The following BMP5 variants were observed in gnomAD, a reference collection of about 807,000 sequenced individuals.
BMP5 encodes bone morphogenetic protein 5.
Under a neutral mutation model 46.6 loss-of-function variants are expected in BMP5, and 23 were observed. The observed-to-expected ratio is 0.49, with a 90% CI of 0.35 to 0.70. BMP5 has a LOEUF of 0.70. Ranked by LOEUF, BMP5 falls within the 30% of genes least tolerant of loss-of-function variation. BMP5 has a pLI of 0.00. For missense variants in BMP5, 545 were observed against 565.6 expected (o/e 0.96, Z 0.37); for synonymous variants, 204 against 191.9 (o/e 1.06, Z -0.52).
At chr6:55,757,003 C>T (rs980634564) in intron 6 of BMP5, among the ~76,000 whole-genome samples, 3 of 151,902 alleles carry the variant, frequency 2.0e-5, no homozygotes, top group South Asian at 2.1e-4. Flanking sequence ...AAAAATCAAA[C>T]TTCACGTGTA....
chr6:55,833,540 T>C (rs570580832), intron 1 of BMP5, among the ~76,000 whole-genome samples: 12 of 152,326 alleles, frequency 7.9e-5, no homozygotes, highest in Middle Eastern at 3.4e-3. Flanking sequence ...TAGGAAGCCA[T>C]GTAAATAATC....
At chr6:55,824,544 G>A (rs959405461) in intron 1 of BMP5, among the ~76,000 whole-genome samples, 7 of 151,866 alleles carry the variant, frequency 4.6e-5, no homozygotes, top group Non-Finnish European at 8.8e-5. Context: ...AAACAAAAAG[G>A]CAGAAGGTTT....
chr6:55,810,678 G>A (rs1349953093), intron 2 of BMP5, among the ~76,000 whole-genome samples: 1 of 152,140 alleles, frequency 6.6e-6, no homozygotes, highest in Non-Finnish European at 1.5e-5. Context: ...AAAATTCACT[G>A]ACATATTAGC....
At chr6:55,869,654 T>C (rs553558397) in intron 1 of BMP5, among the ~76,000 whole-genome samples, 2 of 152,168 alleles carry the variant, frequency 1.3e-5, no homozygotes, top group Non-Finnish European at 1.5e-5. Flanking sequence ...AATGTTATTT[T>C]ATAAAATAAA....
chr6:55,784,488 TAAG>T (rs1440130447), intron 3 of BMP5, among the ~76,000 whole-genome samples: 1 of 151,712 alleles, frequency 6.6e-6, no homozygotes. Context: ...AAGACTAAAT[TAAG>T]AAGAGGGGGT....
Position 55,874,696 on chromosome 6 carries a change from G to C in BMP5, c.170C>G (p.Ser57Cys). Reference sequence around the variant, plus strand: ...GGGTCTGTGAGGCAAACCCAAGATAGAGAGAATTTCCCTTTGTATTTCCCG... The same window carrying C: ...GGGTCTGTGAGGCAAACCCAAGATACAGAGAATTTCCCTTTGTATTTCCCG... ...ERREIQREIL[S>C]ILGLPHRPRP... Residue 57 changes from serine (S) to cysteine (C), a missense_variant, in exon 1 of 7, where the codon TCT becomes TGT. Transcript: ENST00000370830. 1 of 1,613,620 alleles carries C rather than the reference G, an allele frequency of 6.2e-7. No homozygotes were observed. Among genetic ancestry groups the C allele is most frequent in the Non-Finnish European group, 8.5e-7 (1 of 1,179,700 alleles).
chr6:55,777,037 T>G (rs1019183608), intron 3 of BMP5, among the ~76,000 whole-genome samples: 1 of 151,942 alleles, frequency 6.6e-6, no homozygotes, highest in African/African-American at 2.4e-5. Flanking sequence ...TATTATTAAG[T>G]TTCCTCTTGG....
intron 1 of BMP5, among the ~76,000 whole-genome samples, chr6:55,830,707 T>A (rs1464848125): frequency 6.6e-6 from 1 of 152,100 alleles, no homozygotes; most frequent in East Asian, 1.9e-4. Flanking sequence ...TCTAACTAAC[T>A]CATATATACT....
intron 2 of BMP5, among the ~76,000 whole-genome samples, chr6:55,797,385 T>A (rs1562042631): frequency 6.6e-6 from 1 of 152,058 alleles, no homozygotes; most frequent in Non-Finnish European, 1.5e-5. Flanking sequence ...CAATATCCAA[T>A]AAAAGAACAT....
intron 2 of BMP5, among the ~76,000 whole-genome samples, chr6:55,799,171 G>A (rs940342680): frequency 9.9e-5 from 15 of 152,120 alleles, no homozygotes; most frequent in African/African-American, 3.4e-4. Context: ...GCCTTAAAAT[G>A]TTTGATCAAG....
At chr6:55,854,989 T>G (rs988084355) in intron 1 of BMP5, among the ~76,000 whole-genome samples, 10 of 152,264 alleles carry the variant, frequency 6.6e-5, no homozygotes, top group African/African-American at 2.4e-4. Flanking sequence ...GACCAATTTA[T>G]GTAGCATTTG....
chr6:55,867,190 T>G (rs1006401077), intron 1 of BMP5, among the ~76,000 whole-genome samples: 2 of 152,112 alleles, frequency 1.3e-5, no homozygotes, highest in African/African-American at 4.8e-5. Flanking sequence ...GTCTGGGTAT[T>G]TATCCCTTGG....
rs368735753 is a variant in BMP5 at position 55,874,490 on chromosome 6, G to A, written c.376C>T (p.Arg126Cys). The A allele has an allele frequency of 5.6e-6, 9 of 1,613,270 alleles. No homozygotes were observed. In the African/African-American group the frequency reaches 8.0e-5, roughly 14 times the overall value. ...GGAGTCGTCCGAGATAACTGTATGC[G>A]ACGAGGATACCCATTGGGAGAGGCT... ...YPASPNGYPR[R>C]IQLSRTTPLT... Residue 126 changes from arginine (R) to cysteine (C), a missense_variant, in exon 1 of 7, where the codon CGC (arginine) becomes TGC (cysteine). Arg to Cys is a radical substitution (Grantham distance 180). Transcript: ENST00000370830.
At chr6:55,801,443 G>A (rs1775847459) in intron 2 of BMP5, among the ~76,000 whole-genome samples, 1 of 152,210 alleles carries the variant, frequency 6.6e-6, no homozygotes, top group African/African-American at 2.4e-5. Context: ...TGGAGACTTG[G>A]AGGTAGGTTC....
chr6:55,758,885 A>C (rs1774681355), intron 6 of BMP5, 120 bp downstream of exon 6: 1 of 784,302 alleles, frequency 1.3e-6, no homozygotes, highest in Non-Finnish European at 2.2e-6. Flanking sequence ...AAAAAGAAAC[A>C]AATGAGTTTG....
chr6:55,830,891 G>A (rs1229808403), intron 1 of BMP5, among the ~76,000 whole-genome samples: 1 of 152,108 alleles, frequency 6.6e-6, no homozygotes, highest in Non-Finnish European at 1.5e-5. Flanking sequence ...AGTTTACAAA[G>A]CAGGTAGATT....
intron 1 of BMP5, among the ~76,000 whole-genome samples, chr6:55,860,195 A>C (rs981694165): frequency 6.6e-6 from 1 of 152,088 alleles, no homozygotes; most frequent in Admixed American, 6.5e-5. Context: ...GGACTGCTTG[A>C]GCCCAGGAGG....
At position 55,874,626 on chromosome 6, in the gene BMP5, A is replaced by G; in HGVS notation, c.240T>C (p.Phe80=). Residue 80 remains phenylalanine, a synonymous_variant, in exon 1 of 7, where the codon TTT becomes TTC. Coordinates refer to ENST00000370830, the MANE Select transcript of BMP5 (RefSeq NM_021073.4). ...TCATGGCATTGTAGAGATCCAGCAT[A>G]AAGAGAGGTGCAGAGGACGCTTGTT... ...PGKQASSAPL[F]MLDLYNAMTN... 3.7e-6 allele frequency: 6 copies of G among 1,613,610 alleles called. No homozygotes were observed. Among genetic ancestry groups the G allele is most frequent in the Non-Finnish European group, 4.2e-6 (5 of 1,179,710 alleles).
chr6:55,822,949 C>CA (rs771471279), intron 1 of BMP5, among the ~76,000 whole-genome samples: 6 of 151,956 alleles, frequency 3.9e-5, no homozygotes, highest in Non-Finnish European at 8.8e-5. Context: ...ATCATAATTG[C>CA]AACAATAAAT....
Sources: gnomAD v4.1 joint callset for allele counts (sites outside exome capture counted in the v4.1 genomes callset) on GRCh38, gnomAD v4.1.1 for gene constraint, MANE v1.5 for transcripts, NCBI Gene and HGNC (gene_info 2026-07-23, HGNC 2026-07-21) for gene names.